The following LRRK1 variants were observed in gnomAD, a reference collection of about 807,000 sequenced individuals.
LRRK1 encodes leucine rich repeat kinase 1.
A neutral mutation model predicts 209.1 loss-of-function variants in LRRK1; 113 were observed. That is an observed-to-expected ratio of 0.54 (90% CI 0.46 to 0.63). The LOEUF (loss-of-function observed/expected upper bound fraction) is 0.63. Ranked by LOEUF, LRRK1 falls within the 30% of genes least tolerant of loss-of-function variation. The pLI is 0.00. For synonymous variants in LRRK1, 1,144 were observed against 1,099.7 expected (o/e 1.04, Z -0.80); for missense variants, 2,284 against 2,632.2 (o/e 0.87, Z 2.89).
chr15:101,029,253 G>T (rs376751401), intron 20 of LRRK1, 21 bp downstream of exon 20: 1 of 1,590,578 alleles, frequency 6.3e-7, no homozygotes. Context: ...AACTTAACAC[G>T]CCAGGCTGTG....
intron 3 of LRRK1, among the ~76,000 whole-genome samples, chr15:100,979,838 C>T (rs1209882187): frequency 1.3e-5 from 2 of 152,106 alleles, no homozygotes; most frequent in Non-Finnish European, 2.9e-5. Flanking sequence ...TGTTCAACAT[C>T]GTTAGCCATT....
At chr15:101,014,466 C>T (rs373655220) in intron 11 of LRRK1, 38 bp downstream of exon 11, 8 of 1,400,850 alleles carry the variant, frequency 5.7e-6, no homozygotes, top group African/African-American at 4.2e-5. Flanking sequence ...AGTTCCAAAG[C>T]GTGTGTGGGG....
intron 3 of LRRK1, among the ~76,000 whole-genome samples, chr15:100,981,813 G>A (rs559351045): frequency 1.3e-5 from 2 of 152,300 alleles, no homozygotes; most frequent in African/African-American, 4.8e-5. Flanking sequence ...TTTGATAAAT[G>A]TTCACTCCCT....
At position 101,015,267 on chromosome 15, in the gene LRRK1, C is replaced by A. The variant is rs1225097628; in HGVS notation, c.1533-59C>A. ...GTGGCTTGGCATTATAACATCACAGCCAAAAGTAATGCTTTTGTCGTGCTG... is the reference window on the plus strand; with the variant it reads ...GTGGCTTGGCATTATAACATCACAGACAAAAGTAATGCTTTTGTCGTGCTG... On this transcript the variant is annotated intron_variant, in intron 11 of 33. Transcript: ENST00000388948. The A allele has an allele frequency of 2.2e-6, 3 of 1,369,022 alleles. No homozygotes were observed. In the Admixed American group the frequency reaches 5.2e-5, roughly 24 times the overall value. 84.8% of individuals were successfully genotyped at this position (1,369,022 alleles called of 1,614,324 possible).
rs772886824 is a variant in LRRK1 at position 101,068,680 on chromosome 15, G to A, written c.5880G>A (p.Val1960=). The change falls in exon 34 of 34, where the codon GTG becomes GTA. Residue 1960 remains valine, a synonymous_variant. Coordinates refer to ENST00000388948, the MANE Select transcript of LRRK1 (RefSeq NM_024652.6). The stretch of plus-strand genomic sequence containing the variant: ...CCCCTTCTCTCTGCAGGGTGCTGGT[G>A]GATGCTGCCGTGGTGGCAAAGGACA... ...ARELTPHGVL[V]DAAVVAKDTV... 3 of 1,597,748 alleles carry A rather than the reference G, an allele frequency of 1.9e-6. No homozygotes were observed. Among genetic ancestry groups the A allele is most frequent in the African/African-American group, 2.7e-5 (2 of 74,564 alleles).
chr15:100,920,681 G>A (rs913762666), intron 1 of LRRK1, among the ~76,000 whole-genome samples: 22 of 137,006 alleles, frequency 1.6e-4, no homozygotes, highest in African/African-American at 5.9e-4. Flanking sequence ...CTTGTCCAGG[G>A]TACCAGCATC....
At position 101,075,577 on chromosome 15, in the gene LRRK1, T is replaced by A. The variant is rs535722355; in HGVS notation, c.*6729T>A. 7 of 139,238 alleles carry A rather than the reference T, an allele frequency of 5.0e-5. No homozygotes were observed. Among genetic ancestry groups the A allele is most frequent in the Admixed American group, 1.4e-4 (2 of 14,632 alleles). The allele number at this position is 139,238 out of a possible 1,614,324, so 8.6% of individuals were successfully genotyped here. ...AAAAGACTAAAGCCTGTTATCACTC[T>A]CCTGCTACAGCATGGCCTTTTAAAG... is the stretch of plus-strand genomic sequence containing the variant. On this transcript the variant is annotated 3_prime_UTR_variant, in exon 34 of 34. Transcript: ENST00000388948.
chr15:101,008,142 C>CAA lies in LRRK1; in HGVS notation c.763-662_763-661dup, dbSNP rs796213769. Among the ~76,000 whole-genome samples, 82 of 74,146 alleles carry CAA rather than the reference C, an allele frequency of 1.1e-3. 4 individuals carry two copies. Among genetic ancestry groups the CAA allele is most frequent in the African/African-American group, 2.8e-3 (54 of 19,114 alleles). 48.6% of individuals were successfully genotyped at this position (74,146 alleles called of 152,430 possible). A position where few individuals can be genotyped will look rare whatever the true frequency, so the allele number is the denominator to read the frequency against. ...TGGGCGACAGAGCGAGACTCCATCTCAAAAAAAAAAAAAAAAAAAAAAAAA... is the reference window on the plus strand; with the variant it reads ...TGGGCGACAGAGCGAGACTCCATCTCAAAAAAAAAAAAAAAAAAAAAAAAAAA... On this transcript the variant is annotated intron_variant, in intron 6 of 33. Transcript: ENST00000388948.
At chr15:101,040,371 G>A (rs2034692208) in intron 20 of LRRK1, among the ~76,000 whole-genome samples, 2 of 151,622 alleles carry the variant, frequency 1.3e-5, no homozygotes, top group African/African-American at 4.8e-5. Context: ...GTAGTGATAT[G>A]CTCTCTCTCC....
intron 2 of LRRK1, among the ~76,000 whole-genome samples, chr15:100,972,109 C>T (rs1164212184): frequency 2.6e-5 from 4 of 151,796 alleles, no homozygotes; most frequent in Non-Finnish European, 2.9e-5. Context: ...ATTACAGGCG[C>T]GTGCCACCAC....
chr15:100,954,710 A>C (rs1322070260), intron 2 of LRRK1, among the ~76,000 whole-genome samples: 1 of 152,194 alleles, frequency 6.6e-6, no homozygotes, highest in African/African-American at 2.4e-5. Flanking sequence ...TCTTGCATGT[A>C]GATGTCCAGT....
chr15:100,975,832 G>A (rs1417063089), intron 3 of LRRK1, among the ~76,000 whole-genome samples: 1 of 152,126 alleles, frequency 6.6e-6, no homozygotes, highest in Non-Finnish European at 1.5e-5. Context: ...CCATGAAACT[G>A]TAAAAATAAT....
intron 22 of LRRK1, among the ~76,000 whole-genome samples, chr15:101,049,208 T>C (rs2035256798): frequency 6.6e-6 from 1 of 152,214 alleles, no homozygotes; most frequent in African/African-American, 2.4e-5. Flanking sequence ...CAATGAACTT[T>C]GCAAAATATT....
At chr15:101,034,680 G>A (rs1031236030) in intron 20 of LRRK1, among the ~76,000 whole-genome samples, 7 of 152,166 alleles carry the variant, frequency 4.6e-5, no homozygotes, top group African/African-American at 1.7e-4. Context: ...TTTGAAGTCA[G>A]ATAGTGTGAT....
In LRRK1 at chr15:101,009,053, A is replaced by G; in HGVS notation, c.979A>G (p.Ile327Val). 2 of 1,613,864 alleles carry G rather than the reference A, an allele frequency of 1.2e-6. No homozygotes were observed. Among genetic ancestry groups the G allele is most frequent in the Non-Finnish European group, 1.7e-6 (2 of 1,179,780 alleles). ...TGGCGTGCAGTCATCGGACGAAATC[A>G]TCTGTTCCAGGTGGCTCCCCGGGGT... ...LPGVQSSDEI[I>V]CSRLLEIDIS... Residue 327 changes from isoleucine (I) to valine (V), a missense_variant, in exon 7 of 34, where the codon ATC becomes GTC. Coordinates refer to ENST00000388948, the MANE Select transcript of LRRK1 (RefSeq NM_024652.6).
chr15:101,011,645 C>G (rs1486106041), intron 9 of LRRK1, among the ~76,000 whole-genome samples: 1 of 152,100 alleles, frequency 6.6e-6, no homozygotes, highest in South Asian at 2.1e-4. Flanking sequence ...AACCAGGAAA[C>G]TCTTCATCAC....
rs202082519 is a variant in LRRK1 at position 101,053,215 on chromosome 15, C to T, written c.3857-8C>T. ...TCCTACTGGCTGACACTGCGCTGTC[C>T]CTGGCAGACACCATGCTGAGGCACC... is the stretch of plus-strand genomic sequence containing the variant. On this transcript the variant is annotated splice_polypyrimidine_tract_variant and splice_region_variant and intron_variant, in intron 25 of 33. Transcript: ENST00000388948. The T allele has an allele frequency of 3.3e-4, 530 of 1,604,528 alleles. 2 individuals carry two copies. Among genetic ancestry groups the T allele is most frequent in the Admixed American group, 1.7e-3 (101 of 60,014 alleles).
intron 4 of LRRK1, among the ~76,000 whole-genome samples, chr15:100,986,607 C>T (rs531633400): frequency 1.2e-4 from 18 of 152,282 alleles, no homozygotes; most frequent in African/African-American, 3.6e-4. Flanking sequence ...GAGAGCAGCC[C>T]GAAGAAGCTA....
chr15:101,065,783 C>A lies in LRRK1; in HGVS notation c.5346C>A (p.Pro1782=), dbSNP rs1169339568. 1 of 1,614,138 alleles carries A rather than the reference C, an allele frequency of 6.2e-7. No homozygotes were observed. The highest frequency in any genetic ancestry group is 1.7e-5 in the Admixed American group (1 of 60,020). The change falls in exon 32 of 34, where the codon CCC becomes CCA. Residue 1782 remains proline (P), a synonymous_variant. Transcript: ENST00000388948. ...GGTACTTCTGCGGGGTCCCCAGCCC[C>A]CTCAGGGACATGTTTCCCGTGCGGC... The part of the protein sequence containing the change: ...CARYFCGVPS[P]LRDMFPVRPL...
Sources: allele counts gnomAD v4.1 joint callset (sites outside exome capture counted in the v4.1 genomes callset), GRCh38; gene constraint gnomAD v4.1.1; transcripts MANE v1.5; gene names NCBI Gene and HGNC (gene_info 2026-07-23, HGNC 2026-07-21).